Variants in NPIPB2 observed in about 807,000 individuals in gnomAD.
The protein encoded by NPIPB2 is nuclear pore complex interacting protein family member B2, also known as nuclear pore complex-interacting protein family member B2.
NPIPB2 carries 27 observed loss-of-function variants against 30.8 expected under a neutral mutation model. That is an observed-to-expected ratio of 0.88 (90% CI 0.65 to 1.21). NPIPB2 has a LOEUF of 1.21. Ranked by LOEUF, NPIPB2 falls within the 50% of genes most tolerant of loss-of-function variation. The probability of loss-of-function intolerance (pLI) is 0.00; values close to 1 mark genes in which losing one functional copy is unlikely to be tolerated. For synonymous variants in NPIPB2, 147 were observed against 162.0 expected, an observed-to-expected ratio of 0.91 and a Z score of 0.70; for missense variants, 440 against 446.2, an observed-to-expected ratio of 0.99 and a Z score of 0.13.
At chr16:11,955,378 G>A (rs529345237) in intron 1 of NPIPB2, among the ~76,000 whole-genome samples, 3 of 140,814 alleles carry the variant, frequency 2.1e-5, no homozygotes, top group South Asian at 4.4e-4. Flanking sequence ...AAAAAAAAAG[G>A]TTTCGGGATT....
chr16:11,957,898 T>C (rs1368609633), intron 1 of NPIPB2, among the ~76,000 whole-genome samples: 2 of 152,166 alleles, frequency 1.3e-5, no homozygotes, highest in African/African-American at 2.4e-5. Flanking sequence ...TAAATCTCTG[T>C]CTCTAGCTCT....
At chr16:11,944,261 C>G (rs2054978116), upstream of NPIPB2, among the ~76,000 whole-genome samples, 1 of 151,148 alleles carries the variant, frequency 6.6e-6, no homozygotes, top group African/African-American at 2.4e-5. Flanking sequence ...CCTCCACCTC[C>G]CAGGTAAGAG....
At chr16:11,965,246 G>C in intron 1 of NPIPB2, 3 of 1,571,268 alleles carry the variant, frequency 1.9e-6, no homozygotes, top group African/African-American at 1.4e-5. Flanking sequence ...TGCTGCATTT[G>C]CTCTGGAATT....
At chr16:11,954,056 G>A (rs2150930327) in intron 1 of NPIPB2, among the ~76,000 whole-genome samples, 1 of 151,972 alleles carries the variant, frequency 6.6e-6, no homozygotes, top group South Asian at 2.1e-4. Context: ...TAGTATAAAT[G>A]TTAAGCAGTC....
chr16:11,933,576 C>T (rs754712258), exon 4 of NPIPB2: 5 of 1,595,666 alleles, frequency 3.1e-6, no homozygotes, highest in African/African-American at 1.3e-5. Flanking sequence ...TTTTCGTTGT[C>T]ACCTTCATCT....
intron 1 of NPIPB2, among the ~76,000 whole-genome samples, chr16:11,940,669 AC>A (rs2054925596): frequency 6.9e-6 from 1 of 144,456 alleles, no homozygotes; most frequent in Non-Finnish European, 1.5e-5. Context: ...CTGAGGCAGG[AC>A]AATTGCTTGA....
chr16:11,942,806 C>T (rs939765622), upstream of NPIPB2, among the ~76,000 whole-genome samples: 2 of 151,994 alleles, frequency 1.3e-5, no homozygotes. Context: ...TTTCCTGGCC[C>T]TGTCCTCAGC....
At chr16:11,936,211 G>C (rs1352021684) in intron 2 of NPIPB2, among the ~76,000 whole-genome samples, 1 of 149,908 alleles carries the variant, frequency 6.7e-6, no homozygotes, top group East Asian at 2.0e-4. Flanking sequence ...GGCTGAGGCA[G>C]GGGAATCACT....
At chr16:11,957,875 C>T (rs1188983920) in intron 1 of NPIPB2, among the ~76,000 whole-genome samples, 1 of 152,164 alleles carries the variant, frequency 6.6e-6, no homozygotes, top group Non-Finnish European at 1.5e-5. Context: ...TTGCATGAAG[C>T]AATTCCTTAA....
chr16:11,969,105 G>C (rs1422310992), intron 1 of NPIPB2, among the ~76,000 whole-genome samples: 1 of 151,720 alleles, frequency 6.6e-6, no homozygotes, highest in African/African-American at 2.4e-5. Context: ...GACCTCAGGT[G>C]ATTCACCTGC....
At chr16:11,933,743 G>T in intron 3 of NPIPB2, 31 bp from the exon 4 acceptor site, 1 of 1,596,420 alleles carries the variant, frequency 6.3e-7, no homozygotes, top group Non-Finnish European at 8.5e-7. Flanking sequence ...GAGAAGGTGA[G>T]AAACCTGAGG....
chr16:11,959,077 G>A (rs938822010), intron 1 of NPIPB2, among the ~76,000 whole-genome samples: 2 of 152,210 alleles, frequency 1.3e-5, no homozygotes, highest in African/African-American at 2.4e-5. Context: ...GGCTCGGGCC[G>A]TGGCAGAAGC....
At chr16:11,943,285 C>T (rs1351107081), upstream of NPIPB2, among the ~76,000 whole-genome samples, 2 of 152,206 alleles carry the variant, frequency 1.3e-5, no homozygotes, top group Non-Finnish European at 2.9e-5. Context: ...CACCACTGCA[C>T]TCCAGCCTAG....
chr16:11,954,478 TAA>T (rs78546699), intron 1 of NPIPB2, among the ~76,000 whole-genome samples: 21 of 122,626 alleles, frequency 1.7e-4, no homozygotes, highest in Admixed American at 2.5e-4. Flanking sequence ...ACTCTGTCTT[TAA>T]AAAAAAAAAA....
upstream of NPIPB2, among the ~76,000 whole-genome samples, chr16:11,945,073 G>C (rs976776800): frequency 6.6e-6 from 1 of 151,914 alleles, no homozygotes; most frequent in East Asian, 1.9e-4. Flanking sequence ...TGTAATCCCA[G>C]CTACTCAGGA....
chr16:11,949,775 G>A (rs1243043850), intron 1 of NPIPB2, among the ~76,000 whole-genome samples: 1 of 152,136 alleles, frequency 6.6e-6, no homozygotes, highest in South Asian at 2.1e-4. Context: ...ACACCGTTTA[G>A]GATTTCTGTG....
upstream of NPIPB2, chr16:11,942,150 T>C (rs2054951036): frequency 3.3e-6 from 5 of 1,527,236 alleles, no homozygotes; most frequent in Non-Finnish European, 4.4e-6. Flanking sequence ...ACATTCATTT[T>C]AAGCATGCAT....
At chr16:11,932,283 C>T (rs1438240092) in intron 4 of NPIPB2, among the ~76,000 whole-genome samples, 1 of 151,908 alleles carries the variant, frequency 6.6e-6, no homozygotes, top group Non-Finnish European at 1.5e-5. Context: ...AAAGATCAGT[C>T]ATATGGCAGC....
At position 11,933,814 on chromosome 16, in the gene NPIPB2, C is replaced by T. The variant is rs748641802; in HGVS notation, c.292+11G>A. ...CATTTCCACACTATGGGGACTCCAA[C>T]AGAGCCATACCTTCCTGTCTACGGC... On this transcript the variant is annotated intron_variant, in intron 3 of 7. Coordinates refer to ENST00000399147, the Ensembl canonical transcript of NPIPB2. The T allele has an allele frequency of 1.9e-6, 3 of 1,589,692 alleles. No homozygotes were observed. The highest frequency in any genetic ancestry group is 2.6e-6 in the Non-Finnish European group (3 of 1,172,664).
Sources: gnomAD v4.1 joint callset for allele counts (sites outside exome capture counted in the v4.1 genomes callset) on GRCh38, gnomAD v4.1.1 for gene constraint, MANE v1.5 for transcripts, NCBI Gene and HGNC (gene_info 2026-07-23, HGNC 2026-07-21) for gene names.